LRRC4C: variants seen among roughly 807,000 people sequenced by gnomAD.
LRRC4C encodes the protein leucine rich repeat containing 4C, also known as leucine-rich repeat-containing protein 4C.
In LRRC4C, 5 loss-of-function variants were observed where a neutral mutation model predicts 33.6. The observed-to-expected ratio is 0.15, with a 90% CI of 0.08 to 0.31. LRRC4C has a LOEUF of 0.31. Among genes scored for constraint, LRRC4C ranks in the 10% least tolerant of loss-of-function variants. The probability of loss-of-function intolerance (pLI) is 1.00; values close to 1 mark genes in which losing one functional copy is unlikely to be tolerated. For missense variants in LRRC4C, 560 were observed against 796.7 expected, an observed-to-expected ratio of 0.70 and a Z score of 3.58; for synonymous variants, 329 against 302.0, an observed-to-expected ratio of 1.09 and a Z score of -0.93.
intron 3 of LRRC4C, among the ~76,000 whole-genome samples, chr11:40,575,594 T>C (rs1482961287): frequency 6.6e-6 from 1 of 152,202 alleles, no homozygotes; most frequent in Non-Finnish European, 1.5e-5. Context: ...ACTTGATTTC[T>C]AGTCTGAAAC....
intron 2 of LRRC4C, among the ~76,000 whole-genome samples, chr11:40,750,439 T>TG (rs1184629645): frequency 6.6e-6 from 1 of 151,378 alleles, no homozygotes. Context: ...ATTAAGAAAA[T>TG]GTGGCACATA....
intron 4 of LRRC4C, among the ~76,000 whole-genome samples, chr11:40,257,934 G>T (rs1316442921): frequency 2.0e-5 from 3 of 152,176 alleles, no homozygotes; most frequent in African/African-American, 7.2e-5. Flanking sequence ...AGGCAGTATA[G>T]ATAACTATTG....
chr11:40,478,964 C>T (rs1005138339), intron 3 of LRRC4C, among the ~76,000 whole-genome samples: 1 of 152,096 alleles, frequency 6.6e-6, no homozygotes, highest in African/African-American at 2.4e-5. Flanking sequence ...AAACTATTAA[C>T]TTTTAAAACA....
intron 1 of LRRC4C, among the ~76,000 whole-genome samples, chr11:41,126,066 A>T (rs1942723566): frequency 6.6e-6 from 1 of 152,136 alleles, no homozygotes; most frequent in East Asian, 1.9e-4. Flanking sequence ...TAGTAATTTT[A>T]AAAATGTCTA....
intron 2 of LRRC4C, among the ~76,000 whole-genome samples, chr11:40,858,761 A>C (rs1953932378): frequency 6.6e-6 from 1 of 150,938 alleles, no homozygotes; most frequent in Non-Finnish European, 1.5e-5. Flanking sequence ...GACTAAGCTT[A>C]TATTCTGTAT....
chr11:40,235,203 T>A (rs1350052776), intron 5 of LRRC4C, among the ~76,000 whole-genome samples: 2 of 152,218 alleles, frequency 1.3e-5, no homozygotes, highest in Non-Finnish European at 2.9e-5. Context: ...CTTTGAAAGA[T>A]CAGACAGATA....
intron 1 of LRRC4C, among the ~76,000 whole-genome samples, chr11:41,084,872 C>CA (rs922888451): frequency 3.3e-5 from 5 of 151,534 alleles, no homozygotes; most frequent in East Asian, 1.9e-4. Flanking sequence ...ACAAACAAAC[C>CA]AAAAAAAATT....
At chr11:40,662,883 A>C (rs1244139301) in intron 2 of LRRC4C, among the ~76,000 whole-genome samples, 1 of 152,206 alleles carries the variant, frequency 6.6e-6, no homozygotes, top group Non-Finnish European at 1.5e-5. Flanking sequence ...AGTAGCTATC[A>C]CAGGATATGC....
At chr11:40,822,339 G>GT (rs531126883) in intron 2 of LRRC4C, among the ~76,000 whole-genome samples, 4,117 of 142,342 alleles carry the variant, frequency 0.029, 55 homozygotes, top group Middle Eastern at 0.041. Flanking sequence ...TTGATTCTAG[G>GT]TTTTTTTTTT....
intron 1 of LRRC4C, among the ~76,000 whole-genome samples, chr11:41,265,048 T>C (rs879829467): frequency 1.3e-5 from 2 of 152,164 alleles, no homozygotes; most frequent in Non-Finnish European, 2.9e-5. Context: ...GTAATTCCTC[T>C]CTATTTCATA....
intron 5 of LRRC4C, among the ~76,000 whole-genome samples, chr11:40,161,730 C>A (rs548402273): frequency 8.3e-4 from 127 of 152,202 alleles, no homozygotes; most frequent in African/African-American, 2.9e-3. Flanking sequence ...GCACTTCAGC[C>A]TGGGCAACAG....
chr11:40,180,905 G>A (rs1436996504), intron 5 of LRRC4C, among the ~76,000 whole-genome samples: 1 of 152,174 alleles, frequency 6.6e-6, no homozygotes, highest in Admixed American at 6.5e-5. Context: ...AACAGCTGAA[G>A]AGTTGAACTG....
intron 1 of LRRC4C, among the ~76,000 whole-genome samples, chr11:41,388,331 G>A (rs1038470121): frequency 6.6e-6 from 1 of 151,682 alleles, no homozygotes; most frequent in Non-Finnish European, 1.5e-5. Flanking sequence ...TTACACATAG[G>A]GCAATATATC....
chr11:40,201,296 T>C (rs1262289319), intron 5 of LRRC4C, among the ~76,000 whole-genome samples: 3 of 152,210 alleles, frequency 2.0e-5, no homozygotes, highest in Non-Finnish European at 4.4e-5. Context: ...ATGGATTCCC[T>C]GTTTTTTTGT....
At chr11:41,206,779 T>C (rs1946618715) in intron 1 of LRRC4C, among the ~76,000 whole-genome samples, 1 of 152,152 alleles carries the variant, frequency 6.6e-6, no homozygotes, top group Non-Finnish European at 1.5e-5. Flanking sequence ...TTATGGACTA[T>C]TTGGGGGTTT....
intron 3 of LRRC4C, among the ~76,000 whole-genome samples, chr11:40,448,515 C>A (rs1359820126): frequency 6.6e-6 from 1 of 151,856 alleles, no homozygotes; most frequent in East Asian, 1.9e-4. Context: ...GTTTTCTGTT[C>A]CTGTGTCGAT....
At chr11:41,130,947 CTT>C (rs1229581865) in intron 1 of LRRC4C, among the ~76,000 whole-genome samples, 1 of 151,672 alleles carries the variant, frequency 6.6e-6, no homozygotes, top group Non-Finnish European at 1.5e-5. Flanking sequence ...AGAGAAAAAT[CTT>C]TTTTTTGCAG....
At chr11:40,785,070 T>C (rs1356603675) in intron 2 of LRRC4C, among the ~76,000 whole-genome samples, 1 of 152,156 alleles carries the variant, frequency 6.6e-6, no homozygotes, top group African/African-American at 2.4e-5. Context: ...TATGTGTAGA[T>C]TTAGAATTTA....
At chr11:41,269,622 G>T (rs752103645) in intron 1 of LRRC4C, among the ~76,000 whole-genome samples, 7 of 152,106 alleles carry the variant, frequency 4.6e-5, no homozygotes, top group Non-Finnish European at 8.8e-5. Context: ...GATTGTCTTG[G>T]TCTGTCTCTC....
Sources: gnomAD v4.1 joint callset for allele counts (sites outside exome capture counted in the v4.1 genomes callset) on GRCh38, gnomAD v4.1.1 for gene constraint, MANE v1.5 for transcripts, NCBI Gene and HGNC (gene_info 2026-07-23, HGNC 2026-07-21) for gene names.